Variants in ANKRD55 observed in about 807,000 individuals in gnomAD.
ANKRD55 encodes the protein ankyrin repeat domain-containing protein 55.
Under a neutral mutation model 60.6 loss-of-function variants are expected in ANKRD55, and 41 were observed. The observed-to-expected ratio is 0.68, with a 90% CI of 0.53 to 0.88. The LOEUF (loss-of-function observed/expected upper bound fraction) is 0.88. Among genes scored for constraint, ANKRD55 ranks in the 40% least tolerant of loss-of-function variants. The pLI is 0.00. For missense variants in ANKRD55, 732 were observed against 767.6 expected (o/e 0.95, Z 0.55); for synonymous variants, 264 against 290.3 (o/e 0.91, Z 0.92).
At chr5:56,207,148 G>A (rs1372294028) in intron 2 of ANKRD55, among the ~76,000 whole-genome samples, 1 of 152,148 alleles carries the variant, frequency 6.6e-6, no homozygotes, top group African/African-American at 2.4e-5. Context: ...AATGGACTGG[G>A]TCAAGGATGA....
chr5:56,227,408 A>T (rs950618392), intron 2 of ANKRD55, among the ~76,000 whole-genome samples: 2 of 152,118 alleles, frequency 1.3e-5, no homozygotes, highest in African/African-American at 4.8e-5. Context: ...TAATGGGTGC[A>T]GCATACCAAT....
At chr5:56,137,154 T>C (rs1757626637) in intron 7 of ANKRD55, 27 of 1,434,206 alleles carry the variant, frequency 1.9e-5, no homozygotes, top group Non-Finnish European at 2.6e-5. Flanking sequence ...GTGTGTACCA[T>C]TGTGACGTTA....
chr5:56,189,772 G>C (rs1201838172), intron 2 of ANKRD55, among the ~76,000 whole-genome samples: 2 of 152,170 alleles, frequency 1.3e-5, no homozygotes, highest in African/African-American at 4.8e-5. Flanking sequence ...TGTGAATAAT[G>C]CTGCTGTGAA....
chr5:56,107,762 T>C (rs1756528570), intron 10 of ANKRD55, among the ~76,000 whole-genome samples: 1 of 152,146 alleles, frequency 6.6e-6, no homozygotes, highest in Admixed American at 6.5e-5. Context: ...AAGCCATACA[T>C]TAGGTGACGG....
Position 56,219,501 on chromosome 5 carries a change from T to G in ANKRD55, c.58+13355A>C, listed in dbSNP as rs137978440. Among the ~76,000 whole-genome samples, 139 of 152,254 alleles carry G rather than the reference T, an allele frequency of 9.1e-4. 3 individuals carry two copies. In the Middle Eastern group the frequency reaches 0.027, roughly 30 times the overall value. The stretch of plus-strand genomic sequence containing the variant: ...TCACAAAGAGAAAACAAAGAGCCCT[T>G]ATTAAGCACACAAACCTACATACTG... On this transcript the variant is annotated intron_variant, in intron 2 of 11. Transcript: ENST00000341048.
intron 9 of ANKRD55, among the ~76,000 whole-genome samples, chr5:56,112,504 C>CAAAAAAAAAA (rs1187255213): frequency 0.15 from 3,761 of 25,340 alleles, 583 homozygotes; most frequent in South Asian, 0.24. Context: ...TCATCTCTAG[C>CAAAAAAAAAA]AAAAAAAAAA....
intron 4 of ANKRD55, among the ~76,000 whole-genome samples, chr5:56,171,525 C>G (rs1758611003): frequency 6.6e-6 from 1 of 152,192 alleles, no homozygotes; most frequent in African/African-American, 2.4e-5. Flanking sequence ...TAACTTCAGG[C>G]TAGCCCTCCC....
intron 5 of ANKRD55, among the ~76,000 whole-genome samples, chr5:56,166,197 C>CT (rs765821251): frequency 1.4e-4 from 13 of 93,680 alleles, no homozygotes; most frequent in African/African-American, 5.3e-4. Flanking sequence ...TTCCTTCCTT[C>CT]CTTCTCTCTC....
intron 10 of ANKRD55, among the ~76,000 whole-genome samples, chr5:56,106,630 C>T (rs554971425): frequency 1.3e-5 from 2 of 152,056 alleles, no homozygotes; most frequent in African/African-American, 4.8e-5. Context: ...TGGGGTTTCA[C>T]TATGTTGGCC....
intron 8 of ANKRD55, among the ~76,000 whole-genome samples, chr5:56,124,516 A>AT (rs554827043): frequency 4.0e-5 from 6 of 151,560 alleles, no homozygotes; most frequent in South Asian, 2.1e-4. Flanking sequence ...GTTTTTTTTA[A>AT]TTTTTTTTTG....
rs182690105 is a variant in ANKRD55 at position 56,174,571 on chromosome 5, G to A, written c.312+1581C>T. On this transcript the variant is annotated intron_variant, in intron 4 of 11. Transcript: ENST00000341048. ...GACCAGTGGCTTTTAAACTTGATGG[G>A]CAAGTTTTTAAAAATCGCCTGGGAG... Among the ~76,000 whole-genome samples the A allele has an allele frequency of 6.0e-3, 920 of 152,264 alleles. 10 individuals carry two copies. Among genetic ancestry groups the A allele is most frequent in the African/African-American group, 0.021 (885 of 41,540 alleles).
At chr5:56,181,486 C>T (rs1483921688) in intron 3 of ANKRD55, among the ~76,000 whole-genome samples, 1 of 152,006 alleles carries the variant, frequency 6.6e-6, no homozygotes, top group African/African-American at 2.4e-5. Flanking sequence ...ATTTTTCTGC[C>T]TTAGTTGGTT....
chr5:56,120,040 C>T (rs1756992732), intron 8 of ANKRD55, among the ~76,000 whole-genome samples: 1 of 138,508 alleles, frequency 7.2e-6, no homozygotes, highest in Non-Finnish European at 1.6e-5. Flanking sequence ...TTCTCAACAC[C>T]ATTTTTTTTT....
intron 2 of ANKRD55, among the ~76,000 whole-genome samples, chr5:56,232,135 A>C (rs1760272529): frequency 6.6e-6 from 1 of 152,252 alleles, no homozygotes; most frequent in Non-Finnish European, 1.5e-5. Flanking sequence ...TAAGTATTAC[A>C]CGAAGATGTA....
At position 56,154,876 on chromosome 5, in the gene ANKRD55, G is replaced by A. The variant is rs142656490; in HGVS notation, c.483+4957C>T. On this transcript the variant is annotated intron_variant, in intron 6 of 11. Transcript: ENST00000341048. ...AGTGCTGGGATTACAGGCGTGAGCCGTGGAGCCGGGCCTCAAAGATCTTAA... is the reference window on the plus strand; with the variant it reads ...AGTGCTGGGATTACAGGCGTGAGCCATGGAGCCGGGCCTCAAAGATCTTAA... Among the ~76,000 whole-genome samples the A allele has an allele frequency of 3.4e-3, 515 of 152,158 alleles. 3 individuals are homozygous for A. Among genetic ancestry groups the A allele is most frequent in the African/African-American group, 0.012 (489 of 41,546 alleles).
At chr5:56,135,050 T>G (rs1757522234) in intron 7 of ANKRD55, among the ~76,000 whole-genome samples, 1 of 152,130 alleles carries the variant, frequency 6.6e-6, no homozygotes, top group African/African-American at 2.4e-5. Context: ...AATCCACCAC[T>G]TATTCATAAT....
At chr5:56,198,299 G>T (rs1759273446) in intron 2 of ANKRD55, among the ~76,000 whole-genome samples, 1 of 150,572 alleles carries the variant, frequency 6.6e-6, no homozygotes. Flanking sequence ...TATTATTACT[G>T]TTTTTTTTTC....
intron 6 of ANKRD55, among the ~76,000 whole-genome samples, chr5:56,158,104 C>G (rs917036015): frequency 6.6e-6 from 1 of 152,004 alleles, no homozygotes; most frequent in Non-Finnish European, 1.5e-5. Flanking sequence ...TTTCTTGAAT[C>G]TGGGAGGCGG....
At chr5:56,173,354 C>A (rs181468469) in intron 4 of ANKRD55, among the ~76,000 whole-genome samples, 2 of 151,724 alleles carry the variant, frequency 1.3e-5, no homozygotes, top group African/African-American at 2.4e-5. Flanking sequence ...TGCGCCACCA[C>A]GCCTGGCTAC....
Sources: gnomAD v4.1 joint callset for allele counts (sites outside exome capture counted in the v4.1 genomes callset) on GRCh38, gnomAD v4.1.1 for gene constraint, MANE v1.5 for transcripts, NCBI Gene and HGNC (gene_info 2026-07-23, HGNC 2026-07-21) for gene names.